Variants in SLC9C2 observed in about 807,000 individuals in gnomAD.
SLC9C2 encodes solute carrier family 9 member C2 (putative).
A neutral mutation model predicts 140.2 loss-of-function variants in SLC9C2; 75 were observed. The observed-to-expected ratio is 0.53, with a 90% CI of 0.44 to 0.65. The LOEUF (loss-of-function observed/expected upper bound fraction) is 0.65. Among genes scored for constraint, SLC9C2 ranks in the 30% least tolerant of loss-of-function variants. SLC9C2 has a pLI of 0.00. For synonymous variants in SLC9C2, 375 were observed against 420.9 expected, an observed-to-expected ratio of 0.89 and a Z score of 1.34; for missense variants, 1,074 against 1,331.8, an observed-to-expected ratio of 0.81 and a Z score of 3.01.
chr1:173,572,872 G>C (rs993593816), intron 9 of SLC9C2, among the ~76,000 whole-genome samples: 1 of 152,198 alleles, frequency 6.6e-6, no homozygotes, highest in African/African-American at 2.4e-5. Flanking sequence ...ACTACCTGAA[G>C]AGCATGTTAA....
At chr1:173,504,913 G>A (rs138952348) in intron 26 of SLC9C2, among the ~76,000 whole-genome samples, 2,256 of 152,318 alleles carry the variant, frequency 0.015, 68 homozygotes, top group African/African-American at 0.051. Flanking sequence ...TCCTGTGAAA[G>A]AGTCTGTTCC....
chr1:173,557,354 C>G lies in SLC9C2; in HGVS notation c.1201G>C (p.Glu401Gln). 1 of 1,612,130 alleles carries G rather than the reference C, an allele frequency of 6.2e-7. No homozygotes were observed. The highest frequency in any genetic ancestry group is 8.5e-7 in the Non-Finnish European group (1 of 1,179,432). ...DVYNLAERKV[E>Q]VPQMFILYVQ... Reference sequence around the variant, plus strand: ...ATCTTTCCTACCATTTGTGGTACTTCCACTTTTCGTTCAGCGAGATTATAA... The same window carrying G: ...ATCTTTCCTACCATTTGTGGTACTTGCACTTTTCGTTCAGCGAGATTATAA... The change falls in exon 10 of 28, where the codon GAA becomes CAA. Residue 401 changes from glutamate (E) to glutamine (Q), a missense_variant. Coordinates refer to ENST00000367714, the MANE Select transcript of SLC9C2 (RefSeq NM_178527.4).
At chr1:173,524,683 T>A in intron 20 of SLC9C2, 96 bp downstream of exon 20, 8 of 1,364,818 alleles carry the variant, frequency 5.9e-6, no homozygotes, top group Non-Finnish European at 7.1e-6. Flanking sequence ...TTAACACCTG[T>A]GGTTAAACAA....
intron 23 of SLC9C2, among the ~76,000 whole-genome samples, chr1:173,512,423 T>C (rs1303200830): frequency 6.6e-6 from 1 of 152,042 alleles, no homozygotes; most frequent in Non-Finnish European, 1.5e-5. Context: ...AATTGTGTAT[T>C]GGAGTTCATT....
chr1:173,529,563 GA>G (rs1407507477), intron 18 of SLC9C2, among the ~76,000 whole-genome samples: 1 of 150,376 alleles, frequency 6.6e-6, no homozygotes, highest in Non-Finnish European at 1.5e-5. Flanking sequence ...CCCTTTCTTT[GA>G]AGCCTTTTTC....
At position 173,521,296 on chromosome 1, in the gene SLC9C2, C is replaced by A; in HGVS notation, c.2739+5G>T. ...AAAAAAAAAAAAAAATCAATAGTCC[C>A]TTACAATTGCCATTCCTGAAATAAT... On this transcript the variant is annotated splice_donor_5th_base_variant and intron_variant, in intron 22 of 27. Coordinates refer to ENST00000367714, the MANE Select transcript of SLC9C2 (RefSeq NM_178527.4). 1 of 1,460,578 alleles carries A rather than the reference C, an allele frequency of 6.8e-7. No homozygotes were observed. Among genetic ancestry groups the A allele is most frequent in the Non-Finnish European group, 9.2e-7 (1 of 1,088,782 alleles). The allele number at this position is 1,460,578 out of a possible 1,614,324, so 90.5% of individuals were successfully genotyped here. A position where few individuals can be genotyped will look rare whatever the true frequency, so the allele number is the denominator to read the frequency against.
intron 23 of SLC9C2, among the ~76,000 whole-genome samples, chr1:173,510,567 T>C (rs535396023): frequency 2.0e-5 from 3 of 152,194 alleles, no homozygotes; most frequent in Non-Finnish European, 2.9e-5. Flanking sequence ...CTCCCACTTA[T>C]GAGTGAGAAC....
chr1:173,600,292 C>CT, intron 2 of SLC9C2, 75 bp from the exon 3 acceptor site: 1 of 976,932 alleles, frequency 1.0e-6, no homozygotes, highest in South Asian at 1.9e-5. Flanking sequence ...ACTTTTGCAC[C>CT]ATCCCAAAGT....
At position 173,534,512 on chromosome 1, in the gene SLC9C2, A is replaced by C; in HGVS notation, c.1946T>G (p.Phe649Cys). 1 of 1,584,052 alleles carries C rather than the reference A, an allele frequency of 6.3e-7. No homozygotes were observed. Among genetic ancestry groups the C allele is most frequent in the Non-Finnish European group, 8.5e-7 (1 of 1,169,608 alleles). Reference protein sequence around the residue: ...ALISINYYFMFLYVLESTLKI... With the variant: ...ALISINYYFMCLYVLESTLKI... ...CAATGTTGATTCTAATACATATAAA[A>C]ACATAAAATAGTAGTTTATTGATAT... The change falls in exon 16 of 28, where the codon TTT (phenylalanine) becomes TGT (cysteine). Residue 649 changes from phenylalanine (F) to cysteine (C), a missense_variant. By Grantham distance (205) the Phe-to-Cys change is radical. Coordinates refer to ENST00000367714, the MANE Select transcript of SLC9C2 (RefSeq NM_178527.4).
chr1:173,523,597 A>G (rs755799865), intron 21 of SLC9C2, among the ~76,000 whole-genome samples: 2 of 152,164 alleles, frequency 1.3e-5, no homozygotes, highest in Non-Finnish European at 2.9e-5. Flanking sequence ...ACTATGCCCA[A>G]TTGGCTTTAC....
chr1:173,560,596 T>C (rs1664039521), intron 9 of SLC9C2, among the ~76,000 whole-genome samples: 1 of 152,192 alleles, frequency 6.6e-6, no homozygotes, highest in South Asian at 2.1e-4. Context: ...TGCCCAACTC[T>C]GCCTTCCACA....
intron 25 of SLC9C2, among the ~76,000 whole-genome samples, 160 bp downstream of exon 25, chr1:173,506,696 C>T (rs1659665460): frequency 6.6e-6 from 1 of 152,174 alleles, no homozygotes. Flanking sequence ...TATTACAGTA[C>T]ACAGAAGCCC....
chr1:173,601,323 A>C (rs942856616), intron 2 of SLC9C2, among the ~76,000 whole-genome samples: 3 of 152,210 alleles, frequency 2.0e-5, no homozygotes, highest in African/African-American at 7.2e-5. Flanking sequence ...TTGTGAGCAG[A>C]GAATCTTGAC....
intron 13 of SLC9C2, among the ~76,000 whole-genome samples, chr1:173,540,702 T>A (rs1158938550): frequency 1.3e-5 from 2 of 152,204 alleles, no homozygotes; most frequent in Non-Finnish European, 2.9e-5. Context: ...CCAGGAACAT[T>A]AAAAGTACTG....
chr1:173,509,163 G>A (rs1217741326), intron 24 of SLC9C2, among the ~76,000 whole-genome samples: 1 of 152,080 alleles, frequency 6.6e-6, no homozygotes, highest in Non-Finnish European at 1.5e-5. Flanking sequence ...CAGACACAGG[G>A]CCAGGCACAG....
intron 22 of SLC9C2, among the ~76,000 whole-genome samples, chr1:173,520,689 T>A (rs1308350897): frequency 1.3e-5 from 2 of 152,246 alleles, no homozygotes; most frequent in Non-Finnish European, 2.9e-5. Context: ...TTATGGTAGT[T>A]TATTTCCATG....
chr1:173,583,302 G>A (rs1665661866), intron 6 of SLC9C2, among the ~76,000 whole-genome samples: 1 of 152,062 alleles, frequency 6.6e-6, no homozygotes, highest in Admixed American at 6.6e-5. Context: ...TTTTTATTGA[G>A]TTTTTCTGAA....
In SLC9C2 at chr1:173,534,609, T is replaced by G. The variant is rs755867372; in HGVS notation, c.1849A>C (p.Asn617His). The G allele has an allele frequency of 6.3e-7, 1 of 1,585,456 alleles. No homozygotes were observed. The highest frequency in any genetic ancestry group is 1.7e-4 in the Middle Eastern group (1 of 5,832). ...ATCATAGGATAAATATATATCAAAT[T>G]TATAATCTGTCCTGTATATTCAAAT... ...EEFEYTGQII[N>H]LIYIYPMIIH... The change falls in exon 16 of 28, where the codon AAT becomes CAT. Residue 617 changes from asparagine (N) to histidine (H), a missense_variant. Transcript: ENST00000367714.
At chr1:173,597,182 T>C (rs539484306) in intron 4 of SLC9C2, among the ~76,000 whole-genome samples, 2 of 151,834 alleles carry the variant, frequency 1.3e-5, no homozygotes, top group Non-Finnish European at 2.9e-5. Context: ...AATTGACATA[T>C]AAAACATGTT....
Sources: gnomAD v4.1 joint callset for allele counts (sites outside exome capture counted in the v4.1 genomes callset) on GRCh38, gnomAD v4.1.1 for gene constraint, MANE v1.5 for transcripts, NCBI Gene and HGNC (gene_info 2026-07-23, HGNC 2026-07-21) for gene names.